HSD17B12: variants seen among roughly 807,000 people sequenced by gnomAD.
HSD17B12 encodes the protein very-long-chain 3-oxoacyl-CoA reductase.
A neutral mutation model predicts 39.3 loss-of-function variants in HSD17B12; 32 were observed. The ratio of observed to expected loss-of-function variants is 0.81; its 90% confidence interval spans 0.61 to 1.09. The LOEUF (loss-of-function observed/expected upper bound fraction) is 1.09, where lower values mean the gene tolerates loss of function less well. Ranked by LOEUF, HSD17B12 falls within the 50% of genes least tolerant of loss-of-function variation. HSD17B12 has a pLI of 0.00. For synonymous variants in HSD17B12, 150 were observed against 146.7 expected (o/e 1.02, Z -0.16); for missense variants, 342 against 382.9 (o/e 0.89, Z 0.89).
At chr11:43,826,058 T>C (rs1951233239) in intron 6 of HSD17B12, among the ~76,000 whole-genome samples, 2 of 151,428 alleles carry the variant, frequency 1.3e-5, no homozygotes, top group African/African-American at 4.9e-5. Flanking sequence ...CTGTGTATGA[T>C]TGTATATGCA....
At chr11:43,744,912 C>T (rs1039025468) in intron 1 of HSD17B12, among the ~76,000 whole-genome samples, 1 of 152,216 alleles carries the variant, frequency 6.6e-6, no homozygotes, top group Non-Finnish European at 1.5e-5. Context: ...GGAGCCCAAC[C>T]TTTGTCCCTG....
At chr11:43,693,248 A>G (rs1949879381) in intron 1 of HSD17B12, among the ~76,000 whole-genome samples, 2 of 152,192 alleles carry the variant, frequency 1.3e-5, no homozygotes, top group Admixed American at 6.5e-5. Context: ...CTCTGACAGC[A>G]AAGTGGAAGA....
At chr11:43,849,650 C>T (rs1385322515) in intron 9 of HSD17B12, among the ~76,000 whole-genome samples, 1 of 152,218 alleles carries the variant, frequency 6.6e-6, no homozygotes, top group Non-Finnish European at 1.5e-5. Context: ...AACTCACCTG[C>T]AGGCTCAGCC....
intron 1 of HSD17B12, among the ~76,000 whole-genome samples, chr11:43,690,388 ATATATATATATATATATTTTTTT>A (rs1949847430): frequency 2.5e-4 from 3 of 11,784 alleles, no homozygotes; most frequent in Non-Finnish European, 4.3e-4. Flanking sequence ...ATATATATAT[ATATATATATATATATATTTTTTT>A]TTTTTTTTTT....
chr11:43,794,435 CA>C (rs1183121887), intron 3 of HSD17B12, among the ~76,000 whole-genome samples: 4 of 152,046 alleles, frequency 2.6e-5, no homozygotes, highest in Non-Finnish European at 5.9e-5. Context: ...TGAGGATAAG[CA>C]ATAAGTTTTT....
chr11:43,733,349 A>T (rs924383401), intron 1 of HSD17B12, among the ~76,000 whole-genome samples: 2 of 152,150 alleles, frequency 1.3e-5, no homozygotes, highest in African/African-American at 4.8e-5. Context: ...ATCAGGTCTT[A>T]TTATCTACCA....
intron 7 of HSD17B12, among the ~76,000 whole-genome samples, chr11:43,837,464 A>G (rs1270455116): frequency 6.6e-6 from 1 of 152,152 alleles, no homozygotes; most frequent in Non-Finnish European, 1.5e-5. Context: ...CCATAATTCT[A>G]CACTTTACCT....
chr11:43,753,486 T>C (rs1293610120), intron 2 of HSD17B12, among the ~76,000 whole-genome samples: 1 of 149,332 alleles, frequency 6.7e-6, no homozygotes, highest in Non-Finnish European at 1.5e-5. Flanking sequence ...CTTCCTGGGC[T>C]CAGGTGATCC....
At chr11:43,627,774 C>A in the HSD17B12 span, among the ~76,000 whole-genome samples, 1 of 151,864 alleles carries the variant, frequency 6.6e-6, no homozygotes, top group Non-Finnish European at 1.5e-5. Context: ...GCAAAATTTT[C>A]TTTTTGCTAC....
intron 4 of HSD17B12, among the ~76,000 whole-genome samples, chr11:43,805,728 A>G (rs1235693812): frequency 6.6e-6 from 1 of 152,138 alleles, no homozygotes; most frequent in Non-Finnish European, 1.5e-5. Flanking sequence ...TAATACTGCA[A>G]TCACATTTTG....
At chr11:43,637,274 G>A in the HSD17B12 span, among the ~76,000 whole-genome samples, 7 of 145,996 alleles carry the variant, frequency 4.8e-5, no homozygotes, top group Non-Finnish European at 1.0e-4. Context: ...AGGCTGGAGT[G>A]CAGTGGCACA....
rs1951567559 is a variant in HSD17B12, at chr11:43,854,867, A to G, written c.834+3A>G. 1 of 1,612,506 alleles carries G rather than the reference A, an allele frequency of 6.2e-7. No homozygotes were observed. The highest frequency in any genetic ancestry group is 1.1e-5 in the South Asian group (1 of 90,790). On this transcript the variant is annotated splice_donor_region_variant and intron_variant, in intron 10 of 10. Coordinates refer to ENST00000278353, the MANE Select transcript of HSD17B12 (RefSeq NM_016142.3). ...GATACCTGATCCATGCTCTTATGGT[A>G]GGTAGATTTTTTGAATCACAAATCA... is the stretch of plus-strand genomic sequence containing the variant.
chr11:43,753,604 G>A (rs1950484826), intron 2 of HSD17B12, among the ~76,000 whole-genome samples: 1 of 150,566 alleles, frequency 6.6e-6, no homozygotes, highest in Non-Finnish European at 1.5e-5. Flanking sequence ...TGTAGAGATG[G>A]GATTTTACTA....
intron 3 of HSD17B12, among the ~76,000 whole-genome samples, chr11:43,787,168 C>T (rs1193600815): frequency 6.6e-6 from 1 of 152,100 alleles, no homozygotes; most frequent in Non-Finnish European, 1.5e-5. Context: ...TCGCAAGCTA[C>T]TGACCTCAGG....
chr11:43,657,293 G>C, the HSD17B12 span, among the ~76,000 whole-genome samples: 2 of 152,158 alleles, frequency 1.3e-5, no homozygotes, highest in Non-Finnish European at 2.9e-5. Context: ...GCCTATGTGT[G>C]TCTCTGCACG....
intron 1 of HSD17B12, among the ~76,000 whole-genome samples, chr11:43,687,055 G>T (rs1590659283): frequency 1.3e-5 from 2 of 152,262 alleles, no homozygotes; most frequent in South Asian, 4.1e-4. Context: ...AAATTTATAA[G>T]TTTAGAATGC....
intron 1 of HSD17B12, among the ~76,000 whole-genome samples, chr11:43,711,891 T>C (rs1950069897): frequency 6.6e-6 from 1 of 152,102 alleles, no homozygotes; most frequent in Admixed American, 6.5e-5. Flanking sequence ...ATATACATTG[T>C]AAAGCAAAAA....
At chr11:43,569,644 A>G in the HSD17B12 span, 1 of 152,454 alleles carries the variant, frequency 6.6e-6, no homozygotes, top group Admixed American at 6.5e-5. Flanking sequence ...CATCCCCAGT[A>G]AAGCCAAAAT....
At chr11:43,602,449 G>T in the HSD17B12 span, among the ~76,000 whole-genome samples, 1 of 152,142 alleles carries the variant, frequency 6.6e-6, no homozygotes, top group Non-Finnish European at 1.5e-5. Flanking sequence ...TCATTAATTT[G>T]TGGAGTGTTC....
Sources: allele counts gnomAD v4.1 joint callset (sites outside exome capture counted in the v4.1 genomes callset), GRCh38; gene constraint gnomAD v4.1.1; transcripts MANE v1.5; gene names NCBI Gene and HGNC (gene_info 2026-07-23, HGNC 2026-07-21).